The following UEVLD variants were observed in gnomAD, a reference collection of about 807,000 sequenced individuals.
The protein encoded by UEVLD is ubiquitin-conjugating enzyme E2 variant 3.
A neutral mutation model predicts 58.6 loss-of-function variants in UEVLD; 47 were observed. The observed-to-expected ratio is 0.80, with a 90% CI of 0.63 to 1.02. UEVLD has a LOEUF of 1.02. Among genes scored for constraint, UEVLD ranks in the 50% least tolerant of loss-of-function variants. The pLI, the probability that UEVLD is intolerant of heterozygous loss-of-function variation, is 0.00. For missense variants in UEVLD, 510 were observed against 550.6 expected (o/e 0.93, Z 0.74); for synonymous variants, 197 against 195.3 (o/e 1.01, Z -0.07).
At chr11:18,552,780 G>A (rs927001813) in intron 7 of UEVLD, among the ~76,000 whole-genome samples, 8 of 151,944 alleles carry the variant, frequency 5.3e-5, no homozygotes, top group Non-Finnish European at 1.0e-4. Context: ...AGAATCGCTT[G>A]AACCCAGGAG....
At chr11:18,537,861 C>T (rs1412929388) in intron 9 of UEVLD, among the ~76,000 whole-genome samples, 5 of 152,062 alleles carry the variant, frequency 3.3e-5, no homozygotes, top group Non-Finnish European at 7.4e-5. Flanking sequence ...CAGGATTTCA[C>T]CATGTTGGCC....
intron 6 of UEVLD, among the ~76,000 whole-genome samples, chr11:18,562,878 T>G (rs1852110143): frequency 6.6e-6 from 1 of 151,662 alleles, no homozygotes; most frequent in Non-Finnish European, 1.5e-5. Context: ...GAGACCTATC[T>G]CTACAAAAAA....
At position 18,584,095 on chromosome 11, in the gene UEVLD, T is replaced by C. The variant is rs908332358; in HGVS notation, c.42+4518A>G. On this transcript the variant is annotated intron_variant, in intron 1 of 11. Coordinates refer to ENST00000396197, the MANE Select transcript of UEVLD (RefSeq NM_001040697.4). The stretch of plus-strand genomic sequence containing the variant: ...TAATATAAACGAAGGAATATACTTA[T>C]TGGCTGGGCATGGTGGCTCACATCT... Among the ~76,000 whole-genome samples the C allele has an allele frequency of 3.3e-5, 5 of 152,182 alleles. No homozygotes were observed. In the South Asian group the frequency reaches 8.3e-4, roughly 25 times the overall value.
In UEVLD at chr11:18,570,244, T is replaced by C. The variant is rs1852526128; in HGVS notation, c.327A>G (p.Ile109Met). The C allele has an allele frequency of 6.2e-7, 1 of 1,606,862 alleles. No homozygotes were observed. The highest frequency in any genetic ancestry group is 8.5e-7 in the Non-Finnish European group (1 of 1,177,774). The change falls in exon 4 of 12, where the codon ATA becomes ATG. Residue 109 changes from isoleucine (I) to methionine (M), a missense_variant. By Grantham distance (10) the Ile-to-Met change is conservative. Transcript: ENST00000396197. ...VGKHVDAQGR[I>M]YLPYLQNWSH... ...TCCAGTTTTGGAGATAGGGCAAATA[T>C]ATTCTGCCTTGAGCATCCACATGTT...
In UEVLD at chr11:18,575,217, C is replaced by G. The variant is rs540394600; in HGVS notation, c.193+130G>C. 1.0e-4 allele frequency: 93 copies of G among 927,912 alleles called. 1 individual carries two copies. The South Asian group carries it at 1.7e-3, about 17-fold the overall frequency. The allele number at this position is 927,912 out of a possible 1,614,324, so 57.5% of individuals were successfully genotyped here. On this transcript the variant is annotated intron_variant, in intron 3 of 11. Transcript: ENST00000396197. The stretch of plus-strand genomic sequence containing the variant: ...CAGGCCTTCCTTGACTGGAACAGAT[C>G]CAGTAAGGTTCTGTATAGGTCATAT...
At chr11:18,571,343 C>G (rs946206606) in intron 3 of UEVLD, among the ~76,000 whole-genome samples, 1 of 152,030 alleles carries the variant, frequency 6.6e-6, no homozygotes, top group Non-Finnish European at 1.5e-5. Context: ...AAGACTCTGT[C>G]TCAAAAAAAC....
intron 6 of UEVLD, chr11:18,563,822 T>G (rs776105158): frequency 3.1e-6 from 1 of 321,068 alleles, no homozygotes; most frequent in South Asian, 8.7e-5. Context: ...CTGGCCAACA[T>G]GGCAAAACCC....
chr11:18,566,595 T>C (rs1229797773), intron 4 of UEVLD, 113 bp from the exon 5 acceptor site: 4 of 1,094,216 alleles, frequency 3.7e-6, no homozygotes, highest in African/African-American at 3.2e-5. Flanking sequence ...CAGTGAGTTA[T>C]GGTTGCACCA....
intron 6 of UEVLD, chr11:18,564,003 TAAAAAAAAAA>T: frequency 6.5e-6 from 1 of 153,386 alleles, no homozygotes; most frequent in Non-Finnish European, 1.3e-5. Flanking sequence ...AGACTCCACC[TAAAAAAAAAA>T]AAAAAAAAAA....
chr11:18,565,719 T>C (rs960129951), intron 5 of UEVLD, among the ~76,000 whole-genome samples: 1 of 151,770 alleles, frequency 6.6e-6, no homozygotes, highest in African/African-American at 2.4e-5. Flanking sequence ...CATGGGAGGA[T>C]GAAGCAGGGG....
intron 9 of UEVLD, among the ~76,000 whole-genome samples, chr11:18,537,574 A>G (rs1019917933): frequency 2.0e-5 from 3 of 151,540 alleles, no homozygotes; most frequent in Non-Finnish European, 2.9e-5. Context: ...CAGGTGATTC[A>G]CCCACCTTGG....
At chr11:18,555,405 G>C (rs1851715770) in intron 7 of UEVLD, among the ~76,000 whole-genome samples, 1 of 151,170 alleles carries the variant, frequency 6.6e-6, no homozygotes, top group Non-Finnish European at 1.5e-5. Context: ...CAGCCTGGGT[G>C]AAAGTGCGAG....
chr11:18,561,522 G>A (rs1162109795), intron 6 of UEVLD, among the ~76,000 whole-genome samples: 2 of 150,122 alleles, frequency 1.3e-5, no homozygotes, highest in Non-Finnish European at 3.0e-5. Flanking sequence ...GCTTGAACCC[G>A]GGAGGCAGAG....
chr11:18,554,649 C>T (rs1463560539), intron 7 of UEVLD, among the ~76,000 whole-genome samples: 2 of 152,202 alleles, frequency 1.3e-5, no homozygotes, highest in East Asian at 1.9e-4. Context: ...CCACCCGCCT[C>T]GGCCTCTCAC....
At chr11:18,587,055 T>C (rs2134084951) in intron 1 of UEVLD, among the ~76,000 whole-genome samples, 1 of 152,106 alleles carries the variant, frequency 6.6e-6, no homozygotes, top group Non-Finnish European at 1.5e-5. Context: ...ATAATAATAA[T>C]AAGCTACCTA....
chr11:18,532,656 A>T (rs563179730), intron 11 of UEVLD, among the ~76,000 whole-genome samples, 169 bp from the exon 12 acceptor site: 1 of 152,326 alleles, frequency 6.6e-6, no homozygotes, highest in Admixed American at 6.5e-5. Context: ...AGACCTCACA[A>T]TCATTCATTG....
intron 8 of UEVLD, among the ~76,000 whole-genome samples, chr11:18,545,469 G>T (rs1359491004): frequency 6.6e-6 from 1 of 151,310 alleles, no homozygotes; most frequent in Non-Finnish European, 1.5e-5. Context: ...TTTTGAGATG[G>T]AGTCTTGCTC....
chr11:18,544,789 G>T lies in UEVLD; in HGVS notation c.894C>A (p.Ile298=), dbSNP rs776295013. 3 of 1,528,668 alleles carry T rather than the reference G, an allele frequency of 2.0e-6. No homozygotes were observed. In the South Asian group the frequency reaches 3.9e-5, roughly 20 times the overall value. The allele number at this position is 1,528,668 out of a possible 1,614,324, so 94.7% of individuals were successfully genotyped here. A position where few individuals can be genotyped will look rare whatever the true frequency, so the allele number is the denominator to read the frequency against. The stretch of plus-strand genomic sequence containing the variant: ...TCAGTTTCCATGTTACATAGGTCAT[G>T]ATTTCCACTAAATATTGCATACAAG... ...VLLVASQPVE[I]MTYVTWKLST... The change falls in exon 9 of 12, where the codon ATC becomes ATA. Residue 298 remains isoleucine, a synonymous_variant. Coordinates refer to ENST00000396197, the MANE Select transcript of UEVLD (RefSeq NM_001040697.4).
In UEVLD at chr11:18,544,642, G is replaced by T. The variant is rs546060237; in HGVS notation, c.1041C>A (p.Gly347=). 11 of 1,592,680 alleles carry T rather than the reference G, an allele frequency of 6.9e-6. No homozygotes were observed. Among genetic ancestry groups the T allele is most frequent in the South Asian group, 1.1e-5 (1 of 87,168 alleles). The part of the protein sequence containing the change: ...QTSGKEVWVI[G]EQGEDKVLTW... ...TCTTACCTTTGTCTTCTCCTTGCTC[G>T]CCAATAACCCATACTTCTTTGCCTG... Residue 347 remains glycine (G), a synonymous_variant, in exon 9 of 12, where the codon GGC becomes GGA. Transcript: ENST00000396197.
Sources: gnomAD v4.1 joint callset for allele counts (sites outside exome capture counted in the v4.1 genomes callset) on GRCh38, gnomAD v4.1.1 for gene constraint, MANE v1.5 for transcripts, NCBI Gene and HGNC (gene_info 2026-07-23, HGNC 2026-07-21) for gene names.